CA10: variants seen among roughly 807,000 people sequenced by gnomAD.
CA10 encodes carbonic anhydrase-related protein 10.
In CA10, 14 loss-of-function variants were observed where a neutral mutation model predicts 44.2. The observed-to-expected ratio is 0.32, with a 90% CI of 0.21 to 0.50. The LOEUF (loss-of-function observed/expected upper bound fraction) is 0.50. CA10 is among the 20% of genes least tolerant of loss of function. The pLI, the probability that CA10 is intolerant of heterozygous loss-of-function variation, is 0.99. For missense variants in CA10, 350 were observed against 409.7 expected (o/e 0.85, Z 1.26); for synonymous variants, 159 against 141.6 (o/e 1.12, Z -0.87).
At position 51,878,090 on chromosome 17, in the gene CA10, G is replaced by T. The variant is rs552670821; in HGVS notation, c.279+52900C>A. 1.3e-4 allele frequency among the ~76,000 whole-genome samples: 17 copies of T among 127,328 alleles called. No homozygotes were observed. In the South Asian group the frequency reaches 3.9e-3, roughly 29 times the overall value. 83.5% of individuals were successfully genotyped at this position (127,328 alleles called of 152,430 possible). On this transcript the variant is annotated intron_variant, in intron 3 of 8. Coordinates refer to ENST00000451037, the MANE Select transcript of CA10 (RefSeq NM_020178.5). The stretch of plus-strand genomic sequence containing the variant: ...ACCCAGAAGGCGGAGGTTACAGTGA[G>T]CCAAGATCGCACCACTGCACTCCAG...
At chr17:51,749,611 A>G (rs539767186) in intron 3 of CA10, among the ~76,000 whole-genome samples, 105 of 152,360 alleles carry the variant, frequency 6.9e-4, no homozygotes, top group African/African-American at 2.2e-3. Context: ...GTGGTTTGTT[A>G]TGCAGCAAAA....
chr17:52,128,824 G>A (rs114439452), intron 1 of CA10, among the ~76,000 whole-genome samples: 86 of 152,226 alleles, frequency 5.6e-4, no homozygotes, highest in Non-Finnish European at 1.0e-3. Context: ...CAGCTGCTGA[G>A]GGAAATCCTG....
chr17:51,803,753 A>G (rs892444600), intron 3 of CA10, among the ~76,000 whole-genome samples: 1 of 152,252 alleles, frequency 6.6e-6, no homozygotes, highest in African/African-American at 2.4e-5. Flanking sequence ...CCAGCGAACT[A>G]ATTAAATTTA....
intron 3 of CA10, among the ~76,000 whole-genome samples, chr17:51,785,686 C>A (rs1304630389): frequency 1.3e-5 from 2 of 152,132 alleles, no homozygotes; most frequent in Non-Finnish European, 2.9e-5. Context: ...ATGCCAGTAC[C>A]ATGCTGTTTT....
intron 2 of CA10, among the ~76,000 whole-genome samples, chr17:52,009,018 T>C (rs1351538824): frequency 6.6e-6 from 1 of 151,950 alleles, no homozygotes; most frequent in Admixed American, 6.6e-5. Flanking sequence ...ATTTCTCTAA[T>C]AGTTACAAGT....
chr17:51,920,966 G>A (rs1192386324), intron 3 of CA10, among the ~76,000 whole-genome samples: 1 of 152,124 alleles, frequency 6.6e-6, no homozygotes, highest in African/African-American at 2.4e-5. Flanking sequence ...CAGCTACTCA[G>A]AGTACAATAT....
At chr17:51,934,753 C>T (rs146186718) in intron 2 of CA10, among the ~76,000 whole-genome samples, 18 of 152,138 alleles carry the variant, frequency 1.2e-4, no homozygotes, top group African/African-American at 2.4e-4. Context: ...TCAGCTGCAC[C>T]GGGCAAGGTT....
chr17:52,156,611 C>T (rs1989809078), intron 1 of CA10, among the ~76,000 whole-genome samples: 1 of 152,162 alleles, frequency 6.6e-6, no homozygotes, highest in South Asian at 2.1e-4. Context: ...AGGGGATTGA[C>T]AGGGCTGAAG....
At chr17:52,014,692 G>T (rs1985913837) in intron 2 of CA10, among the ~76,000 whole-genome samples, 4 of 151,514 alleles carry the variant, frequency 2.6e-5, no homozygotes, top group Admixed American at 2.0e-4. Context: ...GAAGATATTT[G>T]CTGGGCACAT....
chr17:52,002,803 G>C (rs73989016), intron 2 of CA10, among the ~76,000 whole-genome samples: 5 of 151,750 alleles, frequency 3.3e-5, no homozygotes, highest in Non-Finnish European at 5.9e-5. Flanking sequence ...CAAGAAGCCA[G>C]TTTGCTTATT....
At chr17:52,119,698 C>T (rs2143311550) in intron 1 of CA10, among the ~76,000 whole-genome samples, 1 of 152,266 alleles carries the variant, frequency 6.6e-6, no homozygotes, top group Non-Finnish European at 1.5e-5. Context: ...GTACTTTATG[C>T]AAATAATCAG....
chr17:51,934,794 T>C (rs1429538667), intron 2 of CA10, among the ~76,000 whole-genome samples: 5 of 152,102 alleles, frequency 3.3e-5, no homozygotes, highest in African/African-American at 1.2e-4. Flanking sequence ...AAGTCAGTGC[T>C]GTTAGGAGCG....
chr17:52,134,741 GCA>G (rs1488399741), intron 1 of CA10: 1 of 395,548 alleles, frequency 2.5e-6, no homozygotes. Flanking sequence ...ACAGTATTTT[GCA>G]ATTCTCTGTG....
rs865971407 is a variant in CA10, at chr17:51,903,765, G to A, written c.279+27225C>T. Among the ~76,000 whole-genome samples the A allele has an allele frequency of 4.6e-5, 7 of 152,096 alleles. 1 individual carries two copies. The highest frequency in any genetic ancestry group is 4.4e-5 in the Non-Finnish European group (3 of 68,000). ...ATTATGTCAAAAACTACACTTTCAAGAACAAGAGAAGAGAGCTCCAAAATA... is the reference window on the plus strand; with the variant it reads ...ATTATGTCAAAAACTACACTTTCAAAAACAAGAGAAGAGAGCTCCAAAATA... On this transcript the variant is annotated intron_variant, in intron 3 of 8. Transcript: ENST00000451037.
rs140398366 is a variant in CA10 at position 52,015,782 on chromosome 17, C to T, written c.136+56537G>A. On this transcript the variant is annotated intron_variant, in intron 2 of 8. Coordinates refer to ENST00000451037, the MANE Select transcript of CA10 (RefSeq NM_020178.5). ...CTGAAGCCTAAGGTCTGAAACCTTA[C>T]CTAAGAACATCCACTGTTAAGAATT... 2.0e-3 allele frequency among the ~76,000 whole-genome samples: 308 copies of T among 152,192 alleles called. 5 individuals are homozygous for T. The South Asian group carries it at 0.023, about 11-fold the overall frequency.
intron 2 of CA10, among the ~76,000 whole-genome samples, chr17:51,988,419 G>T (rs1458753627): frequency 1.3e-5 from 2 of 151,902 alleles, no homozygotes; most frequent in Non-Finnish European, 2.9e-5. Context: ...CCTCATAAAA[G>T]GAGGTTAAAA....
intron 4 of CA10, among the ~76,000 whole-genome samples, chr17:51,741,578 T>C (rs1904461686): frequency 6.6e-6 from 1 of 152,236 alleles, no homozygotes. Flanking sequence ...ATAAGATTTT[T>C]GTTCCTGGGA....
intron 3 of CA10, among the ~76,000 whole-genome samples, chr17:51,910,914 T>C (rs1016604226): frequency 1.7e-4 from 26 of 152,200 alleles, no homozygotes; most frequent in African/African-American, 6.3e-4. Context: ...CTGTAAGTTA[T>C]CGCCTTTCAA....
chr17:51,978,405 T>C (rs1984535894), intron 2 of CA10, among the ~76,000 whole-genome samples: 1 of 151,762 alleles, frequency 6.6e-6, no homozygotes, highest in Admixed American at 6.6e-5. Flanking sequence ...TGTGTGTGTG[T>C]GTGTGTGTCT....
Sources: allele counts gnomAD v4.1 joint callset (sites outside exome capture counted in the v4.1 genomes callset), GRCh38; gene constraint gnomAD v4.1.1; transcripts MANE v1.5; gene names NCBI Gene and HGNC (gene_info 2026-07-23, HGNC 2026-07-21).